Variants in FOXO3 observed in about 807,000 individuals in gnomAD.
The protein encoded by FOXO3 is forkhead box O3.
A neutral mutation model predicts 41.9 loss-of-function variants in FOXO3; 4 were observed. The observed-to-expected ratio is 0.10, with a 90% CI of 0.05 to 0.22. The LOEUF is 0.22. Ranked by LOEUF, FOXO3 falls within the 10% of genes least tolerant of loss-of-function variation. The pLI, the probability that FOXO3 is intolerant of heterozygous loss-of-function variation, is 1.00. For synonymous variants in FOXO3, 318 were observed against 389.3 expected (o/e 0.82, Z 2.16); for missense variants, 534 against 906.8 (o/e 0.59, Z 5.28).
intron 1 of FOXO3, among the ~76,000 whole-genome samples, chr6:108,630,034 A>G (rs959487239): frequency 7.2e-5 from 11 of 152,176 alleles, no homozygotes; most frequent in African/African-American, 2.2e-4. Flanking sequence ...GTTCTTTTCT[A>G]CTATATTGGT....
rs186536570 is a variant in FOXO3, at chr6:108,652,061, C to T, written c.622-11394C>T. 2.6e-4 allele frequency among the ~76,000 whole-genome samples: 39 copies of T among 152,298 alleles called. No individual in the cohort carries two copies. The South Asian group carries it at 6.0e-3, about 23-fold the overall frequency. On this transcript the variant is annotated intron_variant, in intron 1 of 2. Transcript: ENST00000406360. The stretch of plus-strand genomic sequence containing the variant: ...ATGTTTCTGGCTTGAGGATCCGTAA[C>T]GTGGTGCCAGCTGTTTTAGGGCCTG...
At chr6:108,641,570 T>A (rs1310551905) in intron 1 of FOXO3, among the ~76,000 whole-genome samples, 1 of 152,170 alleles carries the variant, frequency 6.6e-6, no homozygotes, top group East Asian at 1.9e-4. Flanking sequence ...AGGCAACTTA[T>A]CCAGACAGAG....
At chr6:108,581,474 A>G (rs916025569) in intron 1 of FOXO3, among the ~76,000 whole-genome samples, 2 of 152,194 alleles carry the variant, frequency 1.3e-5, no homozygotes, top group African/African-American at 4.8e-5. Context: ...ATTATCAAAC[A>G]ACACATATGT....
At chr6:108,678,964 C>G (rs1479129954) in intron 2 of FOXO3, among the ~76,000 whole-genome samples, 1 of 140,000 alleles carries the variant, frequency 7.1e-6, no homozygotes, top group Non-Finnish European at 1.5e-5. Flanking sequence ...CTCTGCCTCT[C>G]AGGTTCACGC....
At position 108,683,118 on chromosome 6, in the gene FOXO3, A is replaced by T. The variant is rs1209093338; in HGVS notation, c.*3326A>T. The T allele has an allele frequency of 6.5e-6, 1 of 152,674 alleles. No individual in the cohort carries two copies. The highest frequency in any genetic ancestry group is 1.5e-5 in the Non-Finnish European group (1 of 68,052). The allele number at this position is 152,674 out of a possible 1,614,324, so 9.5% of individuals were successfully genotyped here. ...CAATATGATTGCTGAAACACATTTT[A>T]AAAATTCAGAAGCTTGTCACTCCTG... On this transcript the variant is annotated 3_prime_UTR_variant, in exon 3 of 3. Transcript: ENST00000406360.
intron 2 of FOXO3, among the ~76,000 whole-genome samples, chr6:108,666,564 C>T (rs371167815): frequency 6.6e-6 from 1 of 151,376 alleles, no homozygotes; most frequent in African/African-American, 2.4e-5. Flanking sequence ...AGGATGGTCT[C>T]GATCTCCTGA....
chr6:108,633,355 T>C (rs796936361), intron 1 of FOXO3, among the ~76,000 whole-genome samples: 10 of 152,084 alleles, frequency 6.6e-5, no homozygotes, highest in Admixed American at 2.6e-4. Flanking sequence ...GTTTGTGGCA[T>C]TGGCAAATAG....
chr6:108,576,306 A>G (rs750981085), intron 1 of FOXO3, among the ~76,000 whole-genome samples: 3 of 152,310 alleles, frequency 2.0e-5, no homozygotes, highest in Admixed American at 1.3e-4. Context: ...GTTTTATCAT[A>G]CTTACCCTTC....
intron 1 of FOXO3, among the ~76,000 whole-genome samples, chr6:108,584,286 C>T (rs1173079291): frequency 6.6e-6 from 1 of 152,134 alleles, no homozygotes; most frequent in African/African-American, 2.4e-5. Flanking sequence ...TGCATCCTGG[C>T]ATGTATCTCT....
intron 2 of FOXO3, among the ~76,000 whole-genome samples, chr6:108,679,582 G>A (rs950472390): frequency 5.3e-5 from 8 of 152,010 alleles, no homozygotes; most frequent in African/African-American, 1.9e-4. Flanking sequence ...CATTCCCTTT[G>A]GGCTTTTCAA....
At chr6:108,610,711 C>T (rs1777336819) in intron 1 of FOXO3, among the ~76,000 whole-genome samples, 1 of 152,190 alleles carries the variant, frequency 6.6e-6, no homozygotes, top group African/African-American at 2.4e-5. Flanking sequence ...TTCCTCCCTC[C>T]ACATCTTGTA....
intron 1 of FOXO3, among the ~76,000 whole-genome samples, chr6:108,592,984 G>A (rs1348524754): frequency 6.6e-6 from 1 of 152,296 alleles, no homozygotes; most frequent in East Asian, 1.9e-4. Flanking sequence ...ATGGATGCGT[G>A]CTTAGGAATG....
chr6:108,599,902 T>A (rs1216616830), intron 1 of FOXO3, among the ~76,000 whole-genome samples: 1 of 152,180 alleles, frequency 6.6e-6, no homozygotes, highest in Non-Finnish European at 1.5e-5. Context: ...AGCAAAATAT[T>A]GGGTGGCTGG....
At chr6:108,643,632 C>T (rs1778320134) in intron 1 of FOXO3, among the ~76,000 whole-genome samples, 1 of 152,110 alleles carries the variant, frequency 6.6e-6, no homozygotes, top group Non-Finnish European at 1.5e-5. Flanking sequence ...CTCTTTTGGT[C>T]AACTTTTCCT....
intron 2 of FOXO3, among the ~76,000 whole-genome samples, chr6:108,679,153 G>T (rs985766717): frequency 1.1e-4 from 16 of 152,050 alleles, no homozygotes; most frequent in African/African-American, 3.9e-4. Context: ...TTACAGGCGT[G>T]AGCCACTGCG....
chr6:108,641,647 C>T (rs772958034), intron 1 of FOXO3, among the ~76,000 whole-genome samples: 3 of 151,968 alleles, frequency 2.0e-5, no homozygotes, highest in South Asian at 2.1e-4. Flanking sequence ...TATGTCTTTG[C>T]GTTCCCCTGG....
At chr6:108,565,718 T>G in intron 1 of FOXO3, among the ~76,000 whole-genome samples, 1 of 152,248 alleles carries the variant, frequency 6.6e-6, no homozygotes, top group East Asian at 1.9e-4. Context: ...TTGTTATGGC[T>G]TCTTGCCAAG....
At chr6:108,599,185 T>C (rs771176916) in intron 1 of FOXO3, among the ~76,000 whole-genome samples, 43 of 152,212 alleles carry the variant, frequency 2.8e-4, no homozygotes, top group Non-Finnish European at 6.0e-4. Flanking sequence ...CCCTTCTGAA[T>C]TGAAACAGGG....
intron 1 of FOXO3, among the ~76,000 whole-genome samples, chr6:108,632,952 GC>G (rs1481335420): frequency 6.6e-6 from 1 of 152,036 alleles, no homozygotes; most frequent in Non-Finnish European, 1.5e-5. Flanking sequence ...TGTCTTGTCT[GC>G]CCAGTTGCCA....
Sources: gnomAD v4.1 joint callset for allele counts (sites outside exome capture counted in the v4.1 genomes callset) on GRCh38, gnomAD v4.1.1 for gene constraint, MANE v1.5 for transcripts, NCBI Gene and HGNC (gene_info 2026-07-23, HGNC 2026-07-21) for gene names.